Variants in UBIAD1 observed in about 807,000 individuals in gnomAD.
UBIAD1 encodes the protein UbiA prenyltransferase domain containing 1, also known as ubiA prenyltransferase domain-containing protein 1.
In UBIAD1, 12 loss-of-function variants were observed where a neutral mutation model predicts 20.1. The ratio of observed to expected loss-of-function variants is 0.60; its 90% confidence interval spans 0.38 to 0.97. The LOEUF (loss-of-function observed/expected upper bound fraction) is 0.97, where lower values mean the gene tolerates loss of function less well. Ranked by LOEUF, UBIAD1 falls within the 50% of genes least tolerant of loss-of-function variation. The pLI is 0.00. For synonymous variants in UBIAD1, 207 were observed against 189.2 expected, an observed-to-expected ratio of 1.09 and a Z score of -0.77; for missense variants, 333 against 419.5, an observed-to-expected ratio of 0.79 and a Z score of 1.80.
chr1:11,290,744 C>T (rs1056939731), downstream of UBIAD1, among the ~76,000 whole-genome samples: 8 of 152,098 alleles, frequency 5.3e-5, no homozygotes, highest in African/African-American at 1.4e-4. Context: ...TTTGGGAGAC[C>T]GAGATGGGTG....
At chr1:11,288,899 G>A (rs947707594), downstream of UBIAD1, among the ~76,000 whole-genome samples, 3 of 151,584 alleles carry the variant, frequency 2.0e-5, no homozygotes, top group African/African-American at 7.3e-5. Context: ...GCGACAGAGC[G>A]AGACACTGTC....
chr1:11,274,093 C>T (rs750846194), intron 1 of UBIAD1, 33 bp downstream of exon 1: 26 of 1,613,180 alleles, frequency 1.6e-5, no homozygotes, highest in Non-Finnish European at 2.2e-5. Context: ...TGCTGCAGGT[C>T]TTAGTCGCGT....
At chr1:11,279,023 C>G (rs1478074996) in intron 1 of UBIAD1, 1 of 162,694 alleles carries the variant, frequency 6.1e-6, no homozygotes, top group Non-Finnish European at 1.3e-5. Flanking sequence ...CACCACCACA[C>G]CCAGCTAATT....
chr1:11,283,022 G>A (rs1012339077), intron 1 of UBIAD1, among the ~76,000 whole-genome samples: 7 of 149,422 alleles, frequency 4.7e-5, no homozygotes, highest in African/African-American at 1.7e-4. Context: ...CACTACACCC[G>A]GCTAATTTTT....
downstream of UBIAD1, chr1:11,295,513 C>G (rs567871076): frequency 3.9e-5 from 6 of 152,896 alleles, no homozygotes; most frequent in Admixed American, 2.0e-4. Flanking sequence ...GAGAGAATGG[C>G]GGGGCATTTA....
chr1:11,284,289 C>T (rs1357793991), intron 1 of UBIAD1, among the ~76,000 whole-genome samples: 3 of 151,834 alleles, frequency 2.0e-5, no homozygotes, highest in African/African-American at 4.8e-5. Context: ...AAGGCTCTGA[C>T]GGATTGGAAG....
intron 1 of UBIAD1, among the ~76,000 whole-genome samples, chr1:11,280,495 C>T (rs951144365): frequency 2.6e-5 from 4 of 152,196 alleles, no homozygotes; most frequent in Non-Finnish European, 5.9e-5. Context: ...TGCTCAGCAA[C>T]TTCTCCTAGA....
rs1471509365 is a variant in UBIAD1, at chr1:11,273,222, C to A, written c.-310C>A. ...TGTTTCCGGGCGGGCCTCCAGAGGC[C>A]GGCGCACAAGATGGCGGCTCTGGCG... On this transcript the variant is annotated 5_prime_UTR_variant, in exon 1 of 2. Transcript: ENST00000376810. The surrounding 1 kb of genome is among the most constrained non-coding windows in gnomAD (Gnocchi z 4.9). 1 of 373,052 alleles carries A rather than the reference C, an allele frequency of 2.7e-6. No homozygotes were observed. The highest frequency in any genetic ancestry group is 5.0e-6 in the Non-Finnish European group (1 of 200,892). The allele number at this position is 373,052 out of a possible 1,614,324, so 23.1% of individuals were successfully genotyped here.
downstream of UBIAD1, among the ~76,000 whole-genome samples, chr1:11,291,032 A>G (rs1423863048): frequency 1.3e-5 from 2 of 152,216 alleles, no homozygotes; most frequent in Non-Finnish European, 2.9e-5. Flanking sequence ...AGTCTGAGTC[A>G]GTAATGAGCT....
At chr1:11,279,772 T>C (rs1327002360) in intron 1 of UBIAD1, among the ~76,000 whole-genome samples, 1 of 152,218 alleles carries the variant, frequency 6.6e-6, no homozygotes, top group Non-Finnish European at 1.5e-5. Flanking sequence ...AAATGGGTAG[T>C]TCAAGTTCAG....
rs1259888110 is a variant in UBIAD1, at chr1:11,285,701, C to T, written c.587C>T (p.Pro196Leu). 5 of 1,614,180 alleles carry T rather than the reference C, an allele frequency of 3.1e-6. No homozygotes were observed. Among genetic ancestry groups the T allele is most frequent in the Admixed American group, 1.7e-5 (1 of 60,022 alleles). The part of the protein sequence containing the change: ...GDLIILITFG[P>L]LAVMFAYAIQ... ...CTCATCATCCTCATCACTTTTGGCC[C>T]GCTGGCTGTGATGTTCGCCTACGCC... The change falls in exon 2 of 2, where the codon CCG (proline) becomes CTG (leucine). Residue 196 changes from proline (P) to leucine (L), a missense_variant. By Grantham distance (98) the Pro-to-Leu change is moderately conservative. Transcript: ENST00000376810. The surrounding 1 kb of genome is among the most constrained non-coding windows in gnomAD (Gnocchi z 4.4).
downstream of UBIAD1, among the ~76,000 whole-genome samples, chr1:11,299,293 G>A (rs191662844): frequency 4.5e-4 from 69 of 152,322 alleles, no homozygotes; most frequent in South Asian, 8.1e-3. Flanking sequence ...AGCTTTCTCC[G>A]TGCTTTTCTC....
chr1:11,278,608 A>G, intron 1 of UBIAD1: 1 of 1,400,490 alleles, frequency 7.1e-7, no homozygotes, highest in South Asian at 1.7e-5. Flanking sequence ...AGATCCACTA[A>G]AATTAATTGT....
At position 11,273,401 on chromosome 1, in the gene UBIAD1, A is replaced by C; in HGVS notation, c.-131A>C. Reference sequence around the variant, plus strand: ...GCTGTTGCCCCCGGACCTTGCCGCCACACCAGCCCTGTCCTGGGGCGGAAC... The same window carrying C: ...GCTGTTGCCCCCGGACCTTGCCGCCCCACCAGCCCTGTCCTGGGGCGGAAC... On this transcript the variant is annotated 5_prime_UTR_variant, in exon 1 of 2. Transcript: ENST00000376810. This position sits in a 1 kb window ranked among gnomAD's most constrained non-coding sequence, Gnocchi z 4.9. The C allele has an allele frequency of 8.4e-7, 1 of 1,194,474 alleles. No homozygotes were observed. The highest frequency in any genetic ancestry group is 1.2e-6 in the Non-Finnish European group (1 of 840,186). 74.0% of individuals were successfully genotyped at this position (1,194,474 alleles called of 1,614,324 possible).
chr1:11,289,867 A>G (rs544100507), downstream of UBIAD1, among the ~76,000 whole-genome samples: 1 of 151,600 alleles, frequency 6.6e-6, no homozygotes, highest in East Asian at 1.9e-4. Flanking sequence ...AGTAGCTGGC[A>G]TTACAGGCAC....
chr1:11,295,139 T>C (rs2101029594), exon 2 of UBIAD1: 1 of 557,600 alleles, frequency 1.8e-6, no homozygotes, highest in Admixed American at 3.0e-5. Flanking sequence ...ACGTGAACCA[T>C]AGAATAAACA....
intron 1 of UBIAD1, among the ~76,000 whole-genome samples, chr1:11,281,726 C>T (rs1453295818): frequency 3.3e-5 from 5 of 152,220 alleles, no homozygotes; most frequent in African/African-American, 4.8e-5. Flanking sequence ...CAATCCCACA[C>T]TCCCTGCCCC....
downstream of UBIAD1, among the ~76,000 whole-genome samples, chr1:11,291,606 CAAA>C (rs771883369): frequency 1.8e-4 from 10 of 56,364 alleles, no homozygotes; most frequent in Admixed American, 4.0e-4. Flanking sequence ...GACTTCATCT[CAAA>C]AAAAAAAAAA....
chr1:11,281,667 C>T (rs934158492), intron 1 of UBIAD1, among the ~76,000 whole-genome samples: 1 of 152,180 alleles, frequency 6.6e-6, no homozygotes, highest in Admixed American at 6.5e-5. Context: ...CCGTCATCAT[C>T]CAGAACACTT....
Sources: allele counts gnomAD v4.1 joint callset (sites outside exome capture counted in the v4.1 genomes callset), GRCh38; gene constraint gnomAD v4.1.1; non-coding constraint Gnocchi (gnomAD v3.1); transcripts MANE v1.5; gene names NCBI Gene and HGNC (gene_info 2026-07-23, HGNC 2026-07-21).